The following PRKD1 variants were observed in gnomAD, a reference collection of about 807,000 sequenced individuals.
The protein encoded by PRKD1 is protein kinase D1, also known as serine/threonine-protein kinase D1.
A neutral mutation model predicts 95.9 loss-of-function variants in PRKD1; 63 were observed. The ratio of observed to expected loss-of-function variants is 0.66; its 90% CI spans 0.54 to 0.81. PRKD1 has a LOEUF of 0.81. Ranked by LOEUF, PRKD1 falls within the 30% of genes least tolerant of loss-of-function variation. The probability of loss-of-function intolerance (pLI) is 0.00; values close to 1 mark genes in which losing one functional copy is unlikely to be tolerated. For synonymous variants in PRKD1, 425 were observed against 423.1 expected (o/e 1.00, Z -0.05); for missense variants, 1,048 against 1,165.3 (o/e 0.90, Z 1.47).
chr14:29,660,228 G>A (rs1367017538), intron 4 of PRKD1, among the ~76,000 whole-genome samples: 1 of 152,164 alleles, frequency 6.6e-6, no homozygotes. Context: ...TATGCACATA[G>A]TTTCCGGACT....
chr14:29,655,813 A>T (rs1881799409), intron 4 of PRKD1, among the ~76,000 whole-genome samples: 1 of 152,042 alleles, frequency 6.6e-6, no homozygotes, highest in African/African-American at 2.4e-5. Context: ...AAAATAATTA[A>T]TAGATTGTGA....
At chr14:29,828,580 G>A (rs1319622087) in intron 1 of PRKD1, among the ~76,000 whole-genome samples, 1 of 152,030 alleles carries the variant, frequency 6.6e-6, no homozygotes, top group Admixed American at 6.6e-5. Context: ...TGGATCTTTA[G>A]AGGAAAAAGA....
intron 1 of PRKD1, among the ~76,000 whole-genome samples, chr14:29,782,790 C>T (rs572343639): frequency 1.2e-4 from 19 of 152,264 alleles, no homozygotes; most frequent in Admixed American, 5.2e-4. Flanking sequence ...ACTAATCCGC[C>T]GCCTTGGCCA....
At chr14:29,830,216 G>C (rs1822924672) in intron 1 of PRKD1, among the ~76,000 whole-genome samples, 1 of 152,130 alleles carries the variant, frequency 6.6e-6, no homozygotes, top group African/African-American at 2.4e-5. Context: ...TAGACAATAA[G>C]GGTAATCTGA....
At chr14:29,771,965 T>C (rs1337979132) in intron 1 of PRKD1, among the ~76,000 whole-genome samples, 1 of 152,248 alleles carries the variant, frequency 6.6e-6, no homozygotes, top group Non-Finnish European at 1.5e-5. Context: ...GTTCCACCAC[T>C]GTATTTTCAA....
chr14:29,579,226 C>T (rs893709535), intron 16 of PRKD1, among the ~76,000 whole-genome samples: 5 of 151,880 alleles, frequency 3.3e-5, no homozygotes, highest in African/African-American at 4.8e-5. Context: ...TTTCAGTATA[C>T]GTCATTAATA....
At chr14:29,890,450 G>T (rs1893898587) in intron 1 of PRKD1, among the ~76,000 whole-genome samples, 1 of 151,980 alleles carries the variant, frequency 6.6e-6, no homozygotes, top group South Asian at 2.1e-4. Flanking sequence ...AACAAACGTG[G>T]CACAGTACCT....
intron 1 of PRKD1, among the ~76,000 whole-genome samples, chr14:29,890,784 T>C (rs373222169): frequency 2.0e-5 from 3 of 152,322 alleles, no homozygotes; most frequent in East Asian, 3.9e-4. Flanking sequence ...AGAAACCTGA[T>C]TGCCATTTGA....
intron 1 of PRKD1, among the ~76,000 whole-genome samples, chr14:29,738,245 G>C (rs1225642440): frequency 6.6e-6 from 1 of 152,176 alleles, no homozygotes; most frequent in Admixed American, 6.5e-5. Flanking sequence ...TATGTGTCTA[G>C]TTTCTGAATG....
At chr14:29,665,941 A>G (rs1882473734) in intron 3 of PRKD1, 136 bp downstream of exon 3, 2 of 915,458 alleles carry the variant, frequency 2.2e-6, no homozygotes, top group Admixed American at 5.0e-5. Flanking sequence ...ATATGTATAT[A>G]TGTACCACAT....
chr14:29,649,400 T>C (rs1881346580), intron 4 of PRKD1, among the ~76,000 whole-genome samples: 1 of 151,978 alleles, frequency 6.6e-6, no homozygotes, highest in South Asian at 2.1e-4. Flanking sequence ...AAGTTTTTAT[T>C]TGTGGTTTGG....
chr14:29,920,052 GGAAGGAAGGAAGGAAA>G (rs1466026918), intron 1 of PRKD1, among the ~76,000 whole-genome samples: 2,023 of 133,962 alleles, frequency 0.015, 65 homozygotes, highest in African/African-American at 0.057. Flanking sequence ...AAGGAAGGAA[GGAAGGAAGGAAGGAAA>G]GAAGGAAGGA....
intron 12 of PRKD1, among the ~76,000 whole-genome samples, chr14:29,625,283 A>G (rs1879543656): frequency 6.6e-6 from 1 of 152,112 alleles, no homozygotes; most frequent in Non-Finnish European, 1.5e-5. Flanking sequence ...TTTCAAGGCC[A>G]TGACTTCTTT....
chr14:29,902,256 T>A (rs1192579246), intron 1 of PRKD1, among the ~76,000 whole-genome samples: 5 of 145,012 alleles, frequency 3.4e-5, no homozygotes, highest in Non-Finnish European at 7.5e-5. Flanking sequence ...CAAAACTCCA[T>A]CTCCAAAAAA....
chr14:29,637,804 C>G (rs1405367911), intron 6 of PRKD1, among the ~76,000 whole-genome samples: 3 of 152,270 alleles, frequency 2.0e-5, no homozygotes, highest in African/African-American at 7.2e-5. Flanking sequence ...AAATATTCAA[C>G]TGAAAGTATC....
At chr14:29,790,400 C>T (rs1201118735) in intron 1 of PRKD1, among the ~76,000 whole-genome samples, 1 of 152,032 alleles carries the variant, frequency 6.6e-6, no homozygotes, top group African/African-American at 2.4e-5. Context: ...TGATCATGTG[C>T]CATAAATACT....
At chr14:29,869,234 G>C (rs1893018375) in intron 1 of PRKD1, among the ~76,000 whole-genome samples, 1 of 152,108 alleles carries the variant, frequency 6.6e-6, no homozygotes, top group African/African-American at 2.4e-5. Context: ...CCTGAGATTA[G>C]GAGTTTGAGA....
intron 13 of PRKD1, among the ~76,000 whole-genome samples, chr14:29,618,598 T>A (rs1161540657): frequency 1.3e-5 from 2 of 152,106 alleles, no homozygotes; most frequent in East Asian, 3.9e-4. Context: ...ATAATAATAG[T>A]GAAGTATTTA....
intron 1 of PRKD1, among the ~76,000 whole-genome samples, chr14:29,760,349 C>CTTTTTT (rs36093531): frequency 8.8e-6 from 1 of 114,176 alleles, no homozygotes; most frequent in African/African-American, 3.3e-5. Flanking sequence ...ATTTTCTCAA[C>CTTTTTT]TTTTTTTTTT....
Sources: allele counts gnomAD v4.1 joint callset (sites outside exome capture counted in the v4.1 genomes callset), GRCh38; gene constraint gnomAD v4.1.1; transcripts MANE v1.5; gene names NCBI Gene and HGNC (gene_info 2026-07-23, HGNC 2026-07-21).